The following TXLNB variants were observed in gnomAD, a reference collection of about 807,000 sequenced individuals.
TXLNB encodes beta-taxilin.
Under a neutral mutation model 57.4 loss-of-function variants are expected in TXLNB, and 37 were observed. That is an observed-to-expected ratio of 0.64 (90% CI 0.50 to 0.85). TXLNB has a LOEUF of 0.85. Ranked by LOEUF, TXLNB falls within the 40% of genes least tolerant of loss-of-function variation. The pLI is 0.00. For synonymous variants in TXLNB, 302 were observed against 309.6 expected (o/e 0.98, Z 0.26); for missense variants, 848 against 825.6 (o/e 1.03, Z -0.33).
chr6:139,318,185 G>A, the TXLNB span, among the ~76,000 whole-genome samples: 9 of 150,494 alleles, frequency 6.0e-5, no homozygotes, highest in African/African-American at 2.2e-4. Flanking sequence ...CAGGAGAATG[G>A]CGTGAACCTG....
chr6:139,247,982 G>T, intron 7 of TXLNB, 73 bp from the exon 8 acceptor site: 2 of 897,250 alleles, frequency 2.2e-6, no homozygotes, highest in Non-Finnish European at 3.4e-6. Context: ...ATTATTTAAA[G>T]GAATTCTCAA....
At position 139,270,526 on chromosome 6, in the gene TXLNB, C is replaced by A; in HGVS notation, c.617G>T (p.Arg206Ile). ...CAATTTGCTTCGAGCGAGGATAGCT[C>A]TGCTGTGTTCACCTTGTAACTGGTC... ...EKDQLQGEHS[R>I]AILARSKLES... Residue 206 changes from arginine to isoleucine, a missense_variant, in exon 4 of 10, where the codon AGA (arginine) becomes ATA (isoleucine). Physicochemically the swap from Arg to Ile is moderately conservative, Grantham distance 97 (BLOSUM62 -3). Transcript: ENST00000358430. 6.2e-7 allele frequency: 1 copy of A among 1,614,168 alleles called. No homozygotes were observed.
intron 8 of TXLNB, chr6:139,245,636 C>G (rs1776049441): frequency 6.6e-6 from 1 of 152,148 alleles, no homozygotes; most frequent in Non-Finnish European, 1.5e-5. Flanking sequence ...TACAGACAAG[C>G]TAGGTTTTTA....
At chr6:139,218,215 A>G in the TXLNB span, among the ~76,000 whole-genome samples, 1 of 152,242 alleles carries the variant, frequency 6.6e-6, no homozygotes, top group Non-Finnish European at 1.5e-5. Flanking sequence ...TTACATAAGC[A>G]AGTACAAGTA....
chr6:139,230,123 G>A, the TXLNB span, among the ~76,000 whole-genome samples: 1 of 152,130 alleles, frequency 6.6e-6, no homozygotes, highest in Non-Finnish European at 1.5e-5. Context: ...TCTTGGTATT[G>A]CTTTAAATTA....
rs1325876174 is a variant in TXLNB at position 139,241,437 on chromosome 6, A to G, written c.*1089T>C. The stretch of plus-strand genomic sequence containing the variant: ...TATAGAATGGGTCTGACAGCAAGAG[A>G]TGAATATTATGTCTTGAGACATTGG... On this transcript the variant is annotated 3_prime_UTR_variant, in exon 10 of 10. Transcript: ENST00000358430. 1 of 152,192 alleles carries G rather than the reference A, an allele frequency of 6.6e-6. No homozygotes were observed. The highest frequency in any genetic ancestry group is 1.5e-5 in the Non-Finnish European group (1 of 68,054). The allele number at this position is 152,192 out of a possible 1,614,324, so 9.4% of individuals were successfully genotyped here.
the TXLNB span, among the ~76,000 whole-genome samples, chr6:139,160,490 T>G: frequency 6.6e-6 from 1 of 152,258 alleles, no homozygotes; most frequent in Non-Finnish European, 1.5e-5. Flanking sequence ...CGAGGCTCAC[T>G]GCAGCCTCAA....
In TXLNB at chr6:139,270,610, G is replaced by A; in HGVS notation, c.533C>T (p.Thr178Ile). ...KYAELLDEHR[T>I]EQKKLKLLQK... ...GAGGAGCTTTAACTTCTTTTGCTCA[G>A]TACGATGTTCATCCAGCTGTACACA... The change falls in exon 4 of 10, where the codon ACT becomes ATT. Residue 178 changes from threonine (T) to isoleucine (I), a missense_variant. Transcript: ENST00000358430. 1 of 1,614,002 alleles carries A rather than the reference G, an allele frequency of 6.2e-7. No homozygotes were observed. Among genetic ancestry groups the A allele is most frequent in the Non-Finnish European group, 8.5e-7 (1 of 1,179,950 alleles).
the TXLNB span, among the ~76,000 whole-genome samples, chr6:139,312,359 C>CA: frequency 3.3e-5 from 5 of 152,082 alleles, no homozygotes; most frequent in Admixed American, 2.6e-4. Context: ...CAGTTATAGT[C>CA]AAAAAAATAA....
intron 1 of TXLNB, among the ~76,000 whole-genome samples, chr6:139,290,057 G>A (rs1777270072): frequency 6.6e-6 from 1 of 152,076 alleles, no homozygotes; most frequent in Admixed American, 6.5e-5. Flanking sequence ...ATTAAGACAG[G>A]GAATGAGGGA....
At chr6:139,313,806 GC>G in the TXLNB span, among the ~76,000 whole-genome samples, 7 of 151,852 alleles carry the variant, frequency 4.6e-5, no homozygotes, top group Non-Finnish European at 2.9e-5. Context: ...AAAATTCTAA[GC>G]CCCCCAACCG....
At chr6:139,189,553 A>C in the TXLNB span, among the ~76,000 whole-genome samples, 2 of 152,220 alleles carry the variant, frequency 1.3e-5, no homozygotes, top group African/African-American at 4.8e-5. Flanking sequence ...TATTAAACCC[A>C]AAAGAAAGGA....
At chr6:139,260,907 C>T (rs1000045130) in intron 5 of TXLNB, among the ~76,000 whole-genome samples, 6 of 152,142 alleles carry the variant, frequency 3.9e-5, no homozygotes, top group African/African-American at 1.4e-4. Context: ...TTGCCTCTGG[C>T]GTTGTGAGAA....
At chr6:139,258,680 T>C (rs1776405335) in intron 6 of TXLNB, among the ~76,000 whole-genome samples, 1 of 152,160 alleles carries the variant, frequency 6.6e-6, no homozygotes, top group South Asian at 2.1e-4. Context: ...AAATGTGACA[T>C]GGCCAAATTT....
intron 2 of TXLNB, chr6:139,283,271 TAA>T (rs561341851): frequency 0.17 from 16,409 of 96,360 alleles, 2,237 homozygotes; most frequent in African/African-American, 0.21. Flanking sequence ...AGGTGTTCTG[TAA>T]AAAAAAAAAA....
rs931856737 is a variant in TXLNB, at chr6:139,242,031, A to G, written c.*495T>C. The G allele has an allele frequency of 7.0e-6, 1 of 142,342 alleles. No individual in the cohort carries two copies. Among genetic ancestry groups the G allele is most frequent in the Non-Finnish European group, 1.5e-5 (1 of 67,096 alleles). The allele number at this position is 142,342 out of a possible 1,614,324, so 8.8% of individuals were successfully genotyped here. ...TATAAACAAATATTCACACATCTAT[A>G]CATACGTGTATATATACATATAATA... is the stretch of plus-strand genomic sequence containing the variant. On this transcript the variant is annotated 3_prime_UTR_variant, in exon 10 of 10. Coordinates refer to ENST00000358430, the MANE Select transcript of TXLNB (RefSeq NM_153235.4).
At chr6:139,270,098 T>A (rs907222439) in intron 4 of TXLNB, among the ~76,000 whole-genome samples, 1 of 152,162 alleles carries the variant, frequency 6.6e-6, no homozygotes, top group Non-Finnish European at 1.5e-5. Context: ...TGTATTTTTT[T>A]AAAAGAACTA....
At chr6:139,311,381 A>C in the TXLNB span, among the ~76,000 whole-genome samples, 1 of 152,162 alleles carries the variant, frequency 6.6e-6, no homozygotes, top group Admixed American at 6.5e-5. Context: ...AATGTAAATC[A>C]AGAATCTGTG....
chr6:139,247,766 C>T (rs1441466481), intron 8 of TXLNB, 51 bp downstream of exon 8: 4 of 1,320,330 alleles, frequency 3.0e-6, no homozygotes, highest in South Asian at 1.3e-5. Flanking sequence ...AGGAAATTTG[C>T]CTGTCAAAAT....
Sources: gnomAD v4.1 joint callset for allele counts (sites outside exome capture counted in the v4.1 genomes callset) on GRCh38, gnomAD v4.1.1 for gene constraint, MANE v1.5 for transcripts, NCBI Gene and HGNC (gene_info 2026-07-23, HGNC 2026-07-21) for gene names.